PARP11: variants seen among roughly 807,000 people sequenced by gnomAD.
PARP11 encodes poly(ADP-ribose) polymerase family member 11.
A neutral mutation model predicts 42.9 loss-of-function variants in PARP11; 31 were observed. The observed-to-expected ratio is 0.72, with a 90% CI of 0.54 to 0.98. The LOEUF is 0.98. Among genes scored for constraint, PARP11 ranks in the 50% least tolerant of loss-of-function variants. PARP11 has a pLI of 0.00. For synonymous variants in PARP11, 137 were observed against 127.3 expected (o/e 1.08, Z -0.51); for missense variants, 365 against 413.1 (o/e 0.88, Z 1.01).
At position 3,821,579 on chromosome 12, in the gene PARP11, A is replaced by G. The variant is rs190788879; in HGVS notation, c.548+294T>C. Among the ~76,000 whole-genome samples the G allele has an allele frequency of 4.9e-4, 74 of 152,360 alleles. 1 individual carries two copies. Among genetic ancestry groups the G allele is most frequent in the African/African-American group, 1.7e-3 (71 of 41,592 alleles). On this transcript the variant is annotated intron_variant, in intron 6 of 7. Coordinates refer to ENST00000228820, the MANE Select transcript of PARP11 (RefSeq NM_020367.6). ...AATAAAAGGCTTAGCCAAGGAAGTC[A>G]TATCAACAAAGCTAAACAGCTCTGA... is the stretch of plus-strand genomic sequence containing the variant.
intron 1 of PARP11, chr12:3,842,160 A>C: frequency 6.2e-7 from 1 of 1,612,194 alleles, no homozygotes; most frequent in Non-Finnish European, 8.5e-7. Flanking sequence ...AGAAAAAGTA[A>C]AAGATCCTAA....
chr12:3,819,589 C>T (rs1381991021), intron 6 of PARP11, among the ~76,000 whole-genome samples: 1 of 152,204 alleles, frequency 6.6e-6, no homozygotes, highest in East Asian at 1.9e-4. Flanking sequence ...TAAATCCCTT[C>T]TCCACCACAC....
At chr12:3,817,052 G>A (rs535831626) in intron 6 of PARP11, among the ~76,000 whole-genome samples, 2 of 152,184 alleles carry the variant, frequency 1.3e-5, no homozygotes, top group South Asian at 2.1e-4. Flanking sequence ...TTAGCCAGGC[G>A]TGGTGGCGGG....
chr12:3,841,986 G>A lies in PARP11; in HGVS notation c.19-11968C>T, dbSNP rs543998814. 218 of 1,610,784 alleles carry A rather than the reference G, an allele frequency of 1.4e-4. 2 individuals carry two copies. The South Asian group carries it at 2.2e-3, about 16-fold the overall frequency. On this transcript the variant is annotated intron_variant, in intron 1 of 7. Coordinates refer to ENST00000228820, the MANE Select transcript of PARP11 (RefSeq NM_020367.6). Reference sequence around the variant, plus strand: ...GTAAGCCAGACGAAGGCCGGACAGAGCAATCTTCCCAGACACGAAAGGCAG... The same window carrying A: ...GTAAGCCAGACGAAGGCCGGACAGAACAATCTTCCCAGACACGAAAGGCAG...
At position 3,861,143 on chromosome 12, in the gene PARP11, G is replaced by GTATCA. The variant is rs1251125247; in HGVS notation, c.18+12068_18+12069insTGATA. Among the ~76,000 whole-genome samples, 1 of 152,188 alleles carries GTATCA rather than the reference G, an allele frequency of 6.6e-6. No homozygotes were observed. On this transcript the variant is annotated intron_variant, in intron 1 of 7. Transcript: ENST00000228820. This position sits in a 1 kb window ranked among gnomAD's most constrained non-coding sequence, Gnocchi z 4.6. ...ATGCTGGTATCAGTTAAGACTCTGGGGTGATTGGGATAAAATGAATGTAAT... is the reference window on the plus strand; with the variant it reads ...ATGCTGGTATCAGTTAAGACTCTGGGTATCAGTGATTGGGATAAAATGAATGTAAT...
rs371447819 is a variant in PARP11, at chr12:3,817,959, T to G, written c.549-3771A>C. Reference sequence around the variant, plus strand: ...GGCGATTCTGACCTGCAACTAGCTTTGAGAATCTCTGATCTAAATTCACAT... The same window carrying G: ...GGCGATTCTGACCTGCAACTAGCTTGGAGAATCTCTGATCTAAATTCACAT... On this transcript the variant is annotated intron_variant, in intron 6 of 7. Coordinates refer to ENST00000228820, the MANE Select transcript of PARP11 (RefSeq NM_020367.6). 8.0e-4 allele frequency among the ~76,000 whole-genome samples: 122 copies of G among 152,346 alleles called. 1 individual carries two copies. In the South Asian group the frequency reaches 0.024, roughly 30 times the overall value.
chr12:3,830,800 T>C (rs543717609), intron 1 of PARP11, among the ~76,000 whole-genome samples: 1 of 152,194 alleles, frequency 6.6e-6, no homozygotes, highest in Non-Finnish European at 1.5e-5. Context: ...AGAGAGGTCA[T>C]ACAACAAGGA....
intron 1 of PARP11, chr12:3,832,269 C>T (rs564609093): frequency 5.1e-6 from 1 of 196,558 alleles, no homozygotes; most frequent in South Asian, 1.8e-4. Flanking sequence ...TCAAATTACA[C>T]TATTTTTTTC....
chr12:3,834,139 A>G (rs1565538973), intron 1 of PARP11, among the ~76,000 whole-genome samples: 1 of 152,164 alleles, frequency 6.6e-6, no homozygotes, highest in African/African-American at 2.4e-5. Context: ...AAGGGCTGCT[A>G]CCAGCACTCC....
chr12:3,862,967 T>G (rs996575966), intron 1 of PARP11, among the ~76,000 whole-genome samples: 4 of 152,242 alleles, frequency 2.6e-5, no homozygotes, highest in Non-Finnish European at 5.9e-5. Flanking sequence ...CTGGAGAAAA[T>G]TGGCATCTTA....
At chr12:3,846,335 T>G (rs1227328857) in intron 1 of PARP11, among the ~76,000 whole-genome samples, 1 of 151,022 alleles carries the variant, frequency 6.6e-6, no homozygotes, top group African/African-American at 2.4e-5. Flanking sequence ...AGGTGACAAC[T>G]GAGACCACAA....
Position 3,868,703 on chromosome 12 carries a change from C to T in PARP11, c.18+4509G>A, listed in dbSNP as rs376872039. Among the ~76,000 whole-genome samples the T allele has an allele frequency of 3.3e-5, 5 of 152,208 alleles. No individual in the cohort carries two copies. The East Asian group carries it at 9.6e-4, about 29-fold the overall frequency. On this transcript the variant is annotated intron_variant, in intron 1 of 7. Coordinates refer to ENST00000228820, the MANE Select transcript of PARP11 (RefSeq NM_020367.6). Reference sequence around the variant, plus strand: ...CTTGAATTGATCTCCTCTCTCCCCACTTAGTAGTCACCTTCATAGGTGACT... The same window carrying T: ...CTTGAATTGATCTCCTCTCTCCCCATTTAGTAGTCACCTTCATAGGTGACT...
intron 1 of PARP11, chr12:3,841,009 A>G: frequency 1.3e-6 from 2 of 1,595,462 alleles, no homozygotes; most frequent in Non-Finnish European, 1.7e-6. Context: ...CCCTGCTCCA[A>G]TTCCTGGTCG....
At chr12:3,827,337 T>C (rs1188206081) in intron 3 of PARP11, among the ~76,000 whole-genome samples, 2 of 152,196 alleles carry the variant, frequency 1.3e-5, no homozygotes, top group Non-Finnish European at 2.9e-5. Flanking sequence ...TAATAAACTC[T>C]TTTTTCTGAG....
In PARP11 at chr12:3,861,346, C is replaced by T. The variant is rs533638825; in HGVS notation, c.18+11866G>A. On this transcript the variant is annotated intron_variant, in intron 1 of 7. Coordinates refer to ENST00000228820, the MANE Select transcript of PARP11 (RefSeq NM_020367.6). The surrounding 1 kb of genome is among the most constrained non-coding windows in gnomAD (Gnocchi z 4.6). ...ATGAAGGCAAAGTCCTCATAAATGG[C>T]ATTAAGGCTTTTCTTAATATTTGCC... 4.6e-5 allele frequency among the ~76,000 whole-genome samples: 7 copies of T among 152,280 alleles called. No homozygotes were observed. The highest frequency in any genetic ancestry group is 4.2e-4 in the South Asian group (2 of 4,818).
intron 6 of PARP11, among the ~76,000 whole-genome samples, chr12:3,820,346 T>C (rs1429667479): frequency 6.6e-6 from 1 of 152,234 alleles, no homozygotes; most frequent in Non-Finnish European, 1.5e-5. Context: ...GTTATTTTAG[T>C]TCTTCAGGAT....
intron 1 of PARP11, among the ~76,000 whole-genome samples, chr12:3,844,955 C>G (rs530781636): frequency 1.5e-3 from 225 of 152,286 alleles, no homozygotes; most frequent in African/African-American, 5.2e-3. Context: ...TTATGTCATA[C>G]TGTATGTTGA....
intron 1 of PARP11, chr12:3,839,961 G>C (rs571512266): frequency 7.5e-7 from 1 of 1,331,728 alleles, no homozygotes; most frequent in Admixed American, 1.7e-5. Flanking sequence ...CTGCTGATGT[G>C]AATGGATTTA....
At chr12:3,822,371 A>G (rs12317047) in intron 4 of PARP11, among the ~76,000 whole-genome samples, 31,698 of 148,466 alleles carry the variant, frequency 0.21, 4,387 homozygotes, top group East Asian at 0.35. Context: ...GGCCGAGGCG[A>G]GCGGATCACG....
Sources: gnomAD v4.1 joint callset for allele counts (sites outside exome capture counted in the v4.1 genomes callset) on GRCh38, gnomAD v4.1.1 for gene constraint, Gnocchi (gnomAD v3.1) non-coding constraint, MANE v1.5 for transcripts, NCBI Gene and HGNC (gene_info 2026-07-23, HGNC 2026-07-21) for gene names.